Variants in XRCC4 observed in about 807,000 individuals in gnomAD.
XRCC4 encodes DNA repair protein XRCC4.
XRCC4 carries 28 observed loss-of-function variants against 39.1 expected under a neutral mutation model. That is an observed-to-expected ratio of 0.72 (90% CI 0.53 to 0.98). XRCC4 has a LOEUF of 0.98. Ranked by LOEUF, XRCC4 falls within the 50% of genes least tolerant of loss-of-function variation. XRCC4 has a pLI of 0.00. For synonymous variants in XRCC4, 123 were observed against 126.4 expected (o/e 0.97, Z 0.18); for missense variants, 350 against 376.4 (o/e 0.93, Z 0.58).
At chr5:83,177,522 T>G (rs1308436191) in intron 3 of XRCC4, among the ~76,000 whole-genome samples, 1 of 151,898 alleles carries the variant, frequency 6.6e-6, no homozygotes, top group East Asian at 1.9e-4. Context: ...AGAAACGTGA[T>G]GAACAATATT....
the XRCC4 span, among the ~76,000 whole-genome samples, chr5:83,362,276 G>C: frequency 1.8e-5 from 2 of 112,498 alleles, no homozygotes; most frequent in Admixed American, 2.3e-4. Context: ...AACATTGTCT[G>C]TCCAAGTGCT....
intron 7 of XRCC4, among the ~76,000 whole-genome samples, chr5:83,293,516 C>A (rs930158816): frequency 6.6e-6 from 1 of 151,626 alleles, no homozygotes; most frequent in East Asian, 1.9e-4. Context: ...ATAATTTAAC[C>A]CATCAAAAGT....
At chr5:83,271,376 C>G (rs1754140447) in intron 7 of XRCC4, among the ~76,000 whole-genome samples, 1 of 152,148 alleles carries the variant, frequency 6.6e-6, no homozygotes, top group African/African-American at 2.4e-5. Context: ...ATAATAATGT[C>G]AATCTAAAAT....
chr5:83,330,583 G>A (rs1756406023), intron 7 of XRCC4, among the ~76,000 whole-genome samples: 1 of 151,798 alleles, frequency 6.6e-6, no homozygotes, highest in East Asian at 1.9e-4. Flanking sequence ...TATAAGAGAG[G>A]GTTATACTTA....
chr5:83,276,488 G>T (rs575874938), intron 7 of XRCC4, among the ~76,000 whole-genome samples: 6 of 137,404 alleles, frequency 4.4e-5, no homozygotes, highest in Admixed American at 8.9e-5. Context: ...ATGGGAATGA[G>T]GCTGATGGCT....
At chr5:83,141,903 G>A (rs1315682458) in intron 3 of XRCC4, among the ~76,000 whole-genome samples, 1 of 151,654 alleles carries the variant, frequency 6.6e-6, no homozygotes, top group East Asian at 1.9e-4. Flanking sequence ...CTTAGGAAAT[G>A]TGATTAGAAA....
chr5:83,307,335 A>G (rs924912266), intron 7 of XRCC4, among the ~76,000 whole-genome samples: 2 of 152,176 alleles, frequency 1.3e-5, no homozygotes, highest in African/African-American at 4.8e-5. Flanking sequence ...TTCCATAAAC[A>G]GTTCTGACAG....
At chr5:83,356,095 C>A (rs60047750), downstream of XRCC4, among the ~76,000 whole-genome samples, 17 of 89,818 alleles carry the variant, frequency 1.9e-4, no homozygotes, top group African/African-American at 1.3e-3. Context: ...AGGAAAAAAA[C>A]TTTTAAATAT....
downstream of XRCC4, among the ~76,000 whole-genome samples, chr5:83,354,360 C>T (rs79763297): frequency 1.3e-5 from 2 of 152,282 alleles, no homozygotes; most frequent in East Asian, 3.9e-4. Context: ...CTTCATTACC[C>T]ACATTGTCAC....
Position 83,145,860 on chromosome 5 carries a change from T to G in XRCC4, c.315+34657T>G, listed in dbSNP as rs528593156. Among the ~76,000 whole-genome samples, 70 of 143,880 alleles carry G rather than the reference T, an allele frequency of 4.9e-4. 1 individual carries two copies. The highest frequency in any genetic ancestry group is 1.6e-3 in the African/African-American group (60 of 36,540). The allele number at this position is 143,880 out of a possible 152,430, so 94.4% of individuals were successfully genotyped here. ...TTCACTTTCCTGTGCAGTCAGGTCT[T>G]TTTTTTTTTTTTCCTAATATTTTGT... On this transcript the variant is annotated intron_variant, in intron 3 of 7. Transcript: ENST00000396027.
chr5:83,300,196 T>C (rs1755229752), intron 7 of XRCC4, among the ~76,000 whole-genome samples: 2 of 152,178 alleles, frequency 1.3e-5, no homozygotes, highest in Admixed American at 1.3e-4. Flanking sequence ...GTCCCACCTT[T>C]ATAGATGGTC....
At chr5:83,308,532 T>G (rs1755569504) in intron 7 of XRCC4, among the ~76,000 whole-genome samples, 1 of 152,154 alleles carries the variant, frequency 6.6e-6, no homozygotes, top group Non-Finnish European at 1.5e-5. Flanking sequence ...CAGTGCCAAA[T>G]TTTCTCTACA....
intron 7 of XRCC4, among the ~76,000 whole-genome samples, chr5:83,291,015 A>C (rs1262563816): frequency 6.6e-6 from 1 of 151,950 alleles, no homozygotes; most frequent in African/African-American, 2.4e-5. Flanking sequence ...ATGTGAATAC[A>C]TTCTGGTAGA....
At chr5:83,248,070 G>A (rs1337410953) in intron 6 of XRCC4, among the ~76,000 whole-genome samples, 1 of 152,022 alleles carries the variant, frequency 6.6e-6, no homozygotes, top group African/African-American at 2.4e-5. Flanking sequence ...GGGTTGGTGA[G>A]AGTTACTACT....
intron 7 of XRCC4, among the ~76,000 whole-genome samples, chr5:83,322,639 A>G (rs572734229): frequency 1.3e-5 from 2 of 152,336 alleles, no homozygotes; most frequent in East Asian, 1.9e-4. Context: ...CCCAAATACA[A>G]TTACATAGAT....
chr5:83,263,503 C>T (rs1368072599), intron 7 of XRCC4, among the ~76,000 whole-genome samples: 1 of 150,520 alleles, frequency 6.6e-6, no homozygotes, highest in African/African-American at 2.4e-5. Flanking sequence ...CTCTCCAGCA[C>T]CTGTTGTTTC....
intron 7 of XRCC4, among the ~76,000 whole-genome samples, chr5:83,315,534 G>A (rs936532631): frequency 2.5e-4 from 38 of 152,098 alleles, no homozygotes; most frequent in African/African-American, 8.2e-4. Context: ...CAAAGAACAG[G>A]CTTTCTTGAT....
At chr5:83,129,019 C>T (rs1256634304) in intron 3 of XRCC4, among the ~76,000 whole-genome samples, 1 of 152,080 alleles carries the variant, frequency 6.6e-6, no homozygotes, top group African/African-American at 2.4e-5. Context: ...GTTGCCATTG[C>T]TTTTAGTGTT....
chr5:83,100,757 A>C (rs1745891967), intron 1 of XRCC4, among the ~76,000 whole-genome samples: 1 of 151,058 alleles, frequency 6.6e-6, no homozygotes, highest in Admixed American at 6.6e-5. Flanking sequence ...AATTAGAATT[A>C]TGTAAGCCTT....
Sources: allele counts gnomAD v4.1 joint callset (sites outside exome capture counted in the v4.1 genomes callset), GRCh38; gene constraint gnomAD v4.1.1; transcripts MANE v1.5; gene names NCBI Gene and HGNC (gene_info 2026-07-23, HGNC 2026-07-21).